The following NWD1 variants were observed in gnomAD, a reference collection of about 807,000 sequenced individuals.
NWD1 encodes the protein NACHT domain- and WD repeat-containing protein 1.
NWD1 carries 129 observed loss-of-function variants against 135.1 expected under a neutral mutation model. That is an observed-to-expected ratio of 0.96 (90% CI 0.83 to 1.11). The LOEUF (loss-of-function observed/expected upper bound fraction) is 1.11, where lower values mean the gene tolerates loss of function less well. Among genes scored for constraint, NWD1 ranks in the 50% least tolerant of loss-of-function variants. The probability of loss-of-function intolerance (pLI) is 0.00; values close to 1 mark genes in which losing one functional copy is unlikely to be tolerated. For synonymous variants in NWD1, 773 were observed against 786.0 expected (o/e 0.98, Z 0.28); for missense variants, 1,740 against 1,851.3 (o/e 0.94, Z 1.10).
chr19:16,775,854 G>A (rs1366989462), intron 11 of NWD1, among the ~76,000 whole-genome samples: 1 of 152,060 alleles, frequency 6.6e-6, no homozygotes, highest in African/African-American at 2.4e-5. Context: ...TCTTGGTAGA[G>A]ACAGGGTTTC....
At chr19:16,796,355 G>C (rs575833371) in intron 15 of NWD1, among the ~76,000 whole-genome samples, 1 of 152,028 alleles carries the variant, frequency 6.6e-6, no homozygotes, top group African/African-American at 2.4e-5. Context: ...CCAGCTACTC[G>C]GGAGGATGAG....
Position 16,811,565 on chromosome 19 carries a change from C to A in NWD1, c.4287+3429C>A, listed in dbSNP as rs1169457214. Among the ~76,000 whole-genome samples the A allele has an allele frequency of 1.3e-4, 16 of 123,350 alleles. No individual in the cohort carries two copies. In the East Asian group the frequency reaches 3.0e-3, roughly 23 times the overall value. 80.9% of individuals were successfully genotyped at this position (123,350 alleles called of 152,430 possible). Reference sequence around the variant, plus strand: ...TGATATTGCACTTCAGCCAGGGCAACAAGAGCGAGACTCTGTCTCAGAAAA... The same window carrying A: ...TGATATTGCACTTCAGCCAGGGCAAAAAGAGCGAGACTCTGTCTCAGAAAA... On this transcript the variant is annotated intron_variant, in intron 18 of 18. Coordinates refer to ENST00000524140, the MANE Select transcript of NWD1 (RefSeq NM_001007525.5).
chr19:16,742,954 C>A (rs1160116335), intron 4 of NWD1, among the ~76,000 whole-genome samples: 1 of 150,572 alleles, frequency 6.6e-6, no homozygotes, highest in African/African-American at 2.4e-5. Context: ...GCTCTGTCGC[C>A]CAGGCTGGAG....
At chr19:16,735,858 GAAGGAAGGAGGA>G (rs1284864700) in intron 3 of NWD1, among the ~76,000 whole-genome samples, 19 of 77,516 alleles carry the variant, frequency 2.5e-4, no homozygotes, top group African/African-American at 1.0e-3. Context: ...AGGAAGGAAG[GAAGGAAGGAGGA>G]AGGAAGGAAG....
At chr19:16,720,774 C>T (rs776351279) in intron 1 of NWD1, among the ~76,000 whole-genome samples, 7 of 152,058 alleles carry the variant, frequency 4.6e-5, no homozygotes, top group South Asian at 2.1e-4. Context: ...AGGATGGTCT[C>T]GATCTCCTGA....
intron 17 of NWD1, among the ~76,000 whole-genome samples, chr19:16,800,911 G>A (rs945907271): frequency 6.6e-6 from 1 of 152,118 alleles, no homozygotes; most frequent in Non-Finnish European, 1.5e-5. Flanking sequence ...GAGGCAGTAG[G>A]ATTGTTTGAG....
At position 16,734,734 on chromosome 19, in the gene NWD1, C is replaced by CTATTTATTTATTTATT. The variant is rs58756047; in HGVS notation, c.82-1883_82-1868dup. On this transcript the variant is annotated intron_variant, in intron 3 of 18. Coordinates refer to ENST00000524140, the MANE Select transcript of NWD1 (RefSeq NM_001007525.5). ...TACAGGCACACACCACTACACCTGG[C>CTATTTATTTATTTATT]TATTTATTTATTTATTTATTTATTT... Among the ~76,000 whole-genome samples the CTATTTATTTATTTATT allele has an allele frequency of 1.8e-3, 251 of 141,782 alleles. 2 individuals carry two copies. Among genetic ancestry groups the CTATTTATTTATTTATT allele is most frequent in the African/African-American group, 5.4e-3 (204 of 37,512 alleles). The allele number at this position is 141,782 out of a possible 152,430, so 93.0% of individuals were successfully genotyped here.
intron 4 of NWD1, among the ~76,000 whole-genome samples, chr19:16,737,249 A>G (rs1466953570): frequency 2.0e-5 from 3 of 152,108 alleles, no homozygotes; most frequent in Non-Finnish European, 4.4e-5. Flanking sequence ...TTAAAATTGA[A>G]TGATATTCCT....
At chr19:16,812,712 A>G (rs775144052) in intron 18 of NWD1, 5 of 780,294 alleles carry the variant, frequency 6.4e-6, no homozygotes, top group Non-Finnish European at 1.2e-5. Flanking sequence ...AAAACCCAAG[A>G]AAAAGAGAGA....
rs750993806 is a variant in NWD1, at chr19:16,750,022, G to C, written c.1380G>C (p.Pro460=). 6.8e-6 allele frequency: 11 copies of C among 1,613,716 alleles called. No homozygotes were observed. The highest frequency in any genetic ancestry group is 9.3e-6 in the Non-Finnish European group (11 of 1,179,984). The change falls in exon 6 of 19, where the codon CCG becomes CCC. Residue 460 remains proline (P), a synonymous_variant. Coordinates refer to ENST00000524140, the MANE Select transcript of NWD1 (RefSeq NM_001007525.5). The part of the protein sequence containing the change: ...RVPWLPLNCP[P]RVHLILSACS... ...CCTGGCTGCCTCTCAACTGCCCCCC[G>C]AGGGTGCACCTCATCCTCTCAGCTT...
intron 7 of NWD1, among the ~76,000 whole-genome samples, chr19:16,760,030 T>C (rs1049754608): frequency 6.6e-6 from 1 of 151,598 alleles, no homozygotes; most frequent in African/African-American, 2.4e-5. Context: ...TGGTACACAC[T>C]TGTGGTCCCA....
chr19:16,786,272 T>C (rs1970038454), intron 12 of NWD1, among the ~76,000 whole-genome samples: 1 of 152,058 alleles, frequency 6.6e-6, no homozygotes, highest in African/African-American at 2.4e-5. Flanking sequence ...CCCCTGAAAG[T>C]GCTGGGATTA....
chr19:16,735,219 T>C (rs2122718671), intron 3 of NWD1, among the ~76,000 whole-genome samples: 1 of 152,252 alleles, frequency 6.6e-6, no homozygotes, highest in East Asian at 1.9e-4. Context: ...AAATGAACTT[T>C]GAGGACAGGT....
chr19:16,750,295 G>A lies in NWD1; in HGVS notation c.1653G>A (p.Val551=), dbSNP rs1386718002. Reference sequence around the variant, plus strand: ...CCCGGAAATGGGCCTCTTTCACCGTGCCTGTCCCGCTGGCCACCACCGCAG... The same window carrying A: ...CCCGGAAATGGGCCTCTTTCACCGTACCTGTCCCGCTGGCCACCACCGCAG... The part of the protein sequence containing the change: ...EEARKWASFT[V]PVPLATTAEE... Residue 551 remains valine, a synonymous_variant, in exon 6 of 19, where the codon GTG becomes GTA. Transcript: ENST00000524140. The A allele has an allele frequency of 1.2e-6, 2 of 1,613,554 alleles. No individual in the cohort carries two copies. Among genetic ancestry groups the A allele is most frequent in the South Asian group, 2.2e-5 (2 of 91,050 alleles).
rs576184573 is a variant in NWD1 at position 16,733,759 on chromosome 19, C to T, written c.81+2481C>T. 1.1e-4 allele frequency among the ~76,000 whole-genome samples: 16 copies of T among 152,010 alleles called. No homozygotes were observed. In the South Asian group the frequency reaches 2.3e-3, roughly 22 times the overall value. On this transcript the variant is annotated intron_variant, in intron 3 of 18. Coordinates refer to ENST00000524140, the MANE Select transcript of NWD1 (RefSeq NM_001007525.5). ...TTTAATGCCCATGCCCGTCCTCTGA[C>T]GCGGATGCTGTCAACATCCTCCACA...
chr19:16,789,230 C>G, intron 13 of NWD1, 40 bp downstream of exon 13: 1 of 1,514,720 alleles, frequency 6.6e-7, no homozygotes. Context: ...AAAGCTGAGA[C>G]CAGAGCATTC....
At chr19:16,760,246 T>C (rs886685839) in intron 7 of NWD1, among the ~76,000 whole-genome samples, 1 of 149,862 alleles carries the variant, frequency 6.7e-6, no homozygotes, top group Admixed American at 6.7e-5. Context: ...TTTTATTTTA[T>C]TTTATTTTAT....
chr19:16,778,494 C>CTTCTTCTTTT (rs200410922), intron 11 of NWD1, among the ~76,000 whole-genome samples: 1 of 107,570 alleles, frequency 9.3e-6, no homozygotes, highest in African/African-American at 4.8e-5. Context: ...TCTTCTTCTT[C>CTTCTTCTTTT]TTTTTTTTTT....
At chr19:16,746,298 T>G (rs1210127251) in intron 5 of NWD1, among the ~76,000 whole-genome samples, 1 of 151,416 alleles carries the variant, frequency 6.6e-6, no homozygotes, top group Admixed American at 6.6e-5. Context: ...AGGCGGAGAT[T>G]GCAGTGAACC....
Sources: gnomAD v4.1 joint callset for allele counts (sites outside exome capture counted in the v4.1 genomes callset) on GRCh38, gnomAD v4.1.1 for gene constraint, MANE v1.5 for transcripts, NCBI Gene and HGNC (gene_info 2026-07-23, HGNC 2026-07-21) for gene names.